PDS5A: variants seen among roughly 807,000 people sequenced by gnomAD.
PDS5A encodes the protein PDS5 cohesin associated factor A, also known as sister chromatid cohesion protein PDS5 homolog A.
A neutral mutation model predicts 167.1 loss-of-function variants in PDS5A; 42 were observed. The observed-to-expected ratio is 0.25, with a 90% CI of 0.20 to 0.33. The LOEUF (loss-of-function observed/expected upper bound fraction) is 0.33, where lower values mean the gene tolerates loss of function less well. PDS5A is among the 10% of genes least tolerant of loss of function. PDS5A has a pLI of 1.00. For missense variants in PDS5A, 1,033 were observed against 1,605.9 expected (o/e 0.64, Z 6.10); for synonymous variants, 553 against 554.6 (o/e 1.00, Z 0.04).
At chr4:39,973,068 G>T in intron 2 of PDS5A, 23 of 674,414 alleles carry the variant, frequency 3.4e-5, no homozygotes, top group Non-Finnish European at 4.6e-5. Flanking sequence ...TAAGTTTTTC[G>T]ATGTTTAGAT....
At chr4:39,833,191 C>CAAAAAAAAAAA (rs1166233113) in intron 32 of PDS5A, among the ~76,000 whole-genome samples, 69 of 37,868 alleles carry the variant, frequency 1.8e-3, no homozygotes, top group Middle Eastern at 0.033. Context: ...AACTCCGTCT[C>CAAAAAAAAAAA]AAAAAAAAAA....
At chr4:39,968,369 G>T (rs1253544418) in intron 2 of PDS5A, among the ~76,000 whole-genome samples, 1 of 147,958 alleles carries the variant, frequency 6.8e-6, no homozygotes, top group Non-Finnish European at 1.5e-5. Flanking sequence ...TTTTGAGATG[G>T]AGTTTCGCTC....
intron 2 of PDS5A, among the ~76,000 whole-genome samples, chr4:39,975,151 C>T (rs1399521870): frequency 1.3e-5 from 2 of 150,724 alleles, no homozygotes; most frequent in African/African-American, 2.4e-5. Context: ...TGGTGGCACA[C>T]GCTGGTAGTC....
At chr4:39,902,835 A>G (rs905060259) in intron 12 of PDS5A, among the ~76,000 whole-genome samples, 1 of 152,106 alleles carries the variant, frequency 6.6e-6, no homozygotes, top group Non-Finnish European at 1.5e-5. Flanking sequence ...CAACATTTTA[A>G]GTTTTAACCA....
intron 2 of PDS5A, among the ~76,000 whole-genome samples, chr4:39,938,320 C>G (rs1023365322): frequency 6.6e-6 from 1 of 151,602 alleles, no homozygotes; most frequent in African/African-American, 2.4e-5. Context: ...TTTGGGAGGC[C>G]GAGGTGGGTG....
chr4:39,904,574 C>A (rs559344895), intron 11 of PDS5A, among the ~76,000 whole-genome samples: 2 of 152,188 alleles, frequency 1.3e-5, no homozygotes, highest in African/African-American at 4.8e-5. Context: ...CCTCATGATC[C>A]GCCCGCCTCG....
In PDS5A at chr4:39,922,611, A is replaced by G; in HGVS notation, c.654+11T>C. The G allele has an allele frequency of 6.5e-7, 1 of 1,542,814 alleles. No individual in the cohort carries two copies. The highest frequency in any genetic ancestry group is 8.7e-7 in the Non-Finnish European group (1 of 1,145,482). On this transcript the variant is annotated intron_variant, in intron 6 of 32. Coordinates refer to ENST00000303538, the MANE Select transcript of PDS5A (RefSeq NM_001100399.2). ...AAACATTAACCTTGAATATCTTCAT[A>G]CTTTACAGACCTTATGTGCAGGAAT...
intron 21 of PDS5A, among the ~76,000 whole-genome samples, 194 bp from the exon 22 acceptor site, chr4:39,869,656 T>C (rs1719850821): frequency 6.6e-6 from 1 of 152,142 alleles, no homozygotes; most frequent in Admixed American, 6.6e-5. Flanking sequence ...CCTACAGTAA[T>C]CAAGACAGTG....
chr4:39,826,948 CAG>C (rs1715378924), intron 32 of PDS5A, among the ~76,000 whole-genome samples: 1 of 152,066 alleles, frequency 6.6e-6, no homozygotes. Flanking sequence ...ACAATTCATA[CAG>C]AGACTATTAA....
intron 2 of PDS5A, among the ~76,000 whole-genome samples, chr4:39,957,385 AT>A (rs1474427895): frequency 2.6e-5 from 4 of 152,164 alleles, no homozygotes; most frequent in African/African-American, 7.2e-5. Context: ...AATTAAGTAC[AT>A]AAAATGTTGC....
At chr4:39,947,112 T>A (rs976791421) in intron 2 of PDS5A, among the ~76,000 whole-genome samples, 2 of 152,058 alleles carry the variant, frequency 1.3e-5, no homozygotes, top group Admixed American at 6.6e-5. Context: ...ATATGTTTTT[T>A]AAAAATCCTA....
chr4:39,875,655 C>T (rs1346633391), intron 19 of PDS5A, among the ~76,000 whole-genome samples: 1 of 152,110 alleles, frequency 6.6e-6, no homozygotes, highest in African/African-American at 2.4e-5. Flanking sequence ...CTGAAGTTTG[C>T]CTCTATGGAC....
intron 32 of PDS5A, among the ~76,000 whole-genome samples, chr4:39,827,671 TCTTTG>T (rs1349364402): frequency 1.3e-5 from 2 of 152,180 alleles, no homozygotes; most frequent in Admixed American, 6.5e-5. Flanking sequence ...CTCAGTCAAT[TCTTTG>T]CTTTAAGAAA....
intron 18 of PDS5A, among the ~76,000 whole-genome samples, chr4:39,878,654 A>G (rs1367016751): frequency 3.3e-5 from 5 of 152,242 alleles, no homozygotes; most frequent in Non-Finnish European, 7.3e-5. Flanking sequence ...AGGTGGTTTC[A>G]CTTTTAAAAC....
chr4:39,965,056 G>C (rs758652956), intron 2 of PDS5A, among the ~76,000 whole-genome samples: 2 of 152,152 alleles, frequency 1.3e-5, no homozygotes, highest in Non-Finnish European at 2.9e-5. Flanking sequence ...ATTCTTTCCT[G>C]CTTCTATTGA....
intron 2 of PDS5A, chr4:39,932,323 A>G (rs1726150535): frequency 6.6e-6 from 1 of 152,574 alleles, no homozygotes; most frequent in African/African-American, 2.4e-5. Context: ...ATCCCAGACT[A>G]TTCAAAAAAC....
intron 30 of PDS5A, among the ~76,000 whole-genome samples, chr4:39,842,554 T>TATTAGC (rs1352455684): frequency 3.3e-5 from 5 of 152,266 alleles, no homozygotes; most frequent in Admixed American, 6.5e-5. Context: ...AAAAGTGGTT[T>TATTAGC]AAAACATCAT....
chr4:39,917,360 C>T (rs574010608), intron 7 of PDS5A, among the ~76,000 whole-genome samples, 172 bp from the exon 8 acceptor site: 4 of 151,952 alleles, frequency 2.6e-5, no homozygotes, highest in African/African-American at 9.7e-5. Context: ...GTCATCTAAA[C>T]AGCAGAAGAA....
At chr4:39,827,752 G>A (rs1050411302) in intron 32 of PDS5A, among the ~76,000 whole-genome samples, 5 of 152,012 alleles carry the variant, frequency 3.3e-5, no homozygotes, top group African/African-American at 9.7e-5. Flanking sequence ...TTAATCCAAC[G>A]ACTAGAAACC....
Sources: allele counts gnomAD v4.1 joint callset (sites outside exome capture counted in the v4.1 genomes callset), GRCh38; gene constraint gnomAD v4.1.1; transcripts MANE v1.5; gene names NCBI Gene and HGNC (gene_info 2026-07-23, HGNC 2026-07-21).